Variants in CHKB observed in about 807,000 individuals in gnomAD.
CHKB encodes choline kinase beta.
In CHKB, 45 loss-of-function variants were observed where a neutral mutation model predicts 57.3. That is an observed-to-expected ratio of 0.79 (90% CI 0.62 to 1.01). The LOEUF is 1.01. CHKB is among the 50% of genes least tolerant of loss of function. The pLI is 0.00. For synonymous variants in CHKB, 224 were observed against 201.8 expected, an observed-to-expected ratio of 1.11 and a Z score of -0.93; for missense variants, 517 against 502.8, an observed-to-expected ratio of 1.03 and a Z score of -0.27.
In CHKB at chr22:50,582,764, T is replaced by C. The variant is rs556978738; in HGVS notation, c.18A>G (p.Thr6=). Residue 6 remains threonine, a synonymous_variant, in exon 1 of 11, where the codon ACA becomes ACG. Transcript: ENST00000406938. MAAEA[T]AVAGSGAVGG... Reference sequence around the variant, plus strand: ...CAACAGCCCCGCTTCCGGCCACAGCTGTCGCCTCGGCCGCCATGGCGCGGG... The same window carrying C: ...CAACAGCCCCGCTTCCGGCCACAGCCGTCGCCTCGGCCGCCATGGCGCGGG... The C allele has an allele frequency of 6.3e-7, 1 of 1,582,286 alleles. No individual in the cohort carries two copies.
chr22:50,579,682 CT>C (rs1569052174), intron 9 of CHKB, 44 bp downstream of exon 9: 1 of 1,562,868 alleles, frequency 6.4e-7, no homozygotes, highest in East Asian at 2.2e-5. Flanking sequence ...CCCAATCCCT[CT>C]TTCCTCTGCT....
Position 50,582,840 on chromosome 22 carries a change from G to C in CHKB, c.-59C>G. 7.8e-7 allele frequency: 1 copy of C among 1,289,306 alleles called. No homozygotes were observed. Among genetic ancestry groups the C allele is most frequent in the Non-Finnish European group, 1.0e-6 (1 of 988,258 alleles). 79.9% of individuals were successfully genotyped at this position (1,289,306 alleles called of 1,614,324 possible). A position where few individuals can be genotyped will look rare whatever the true frequency, so the allele number is the denominator to read the frequency against. ...CGCTCCGCTCCCTTCGGACGGGCTC[G>C]GTTCCTTCCGGCCGCGCTCGGCTCC... On this transcript the variant is annotated 5_prime_UTR_variant, in exon 1 of 11. Coordinates refer to ENST00000406938, the MANE Select transcript of CHKB (RefSeq NM_005198.5).
In CHKB at chr22:50,580,602, C is replaced by G. The variant is rs1173369482; in HGVS notation, c.640G>C (p.Glu214Gln). The G allele has an allele frequency of 6.2e-7, 1 of 1,614,010 alleles. No individual in the cohort carries two copies. Among genetic ancestry groups the G allele is most frequent in the Non-Finnish European group, 8.5e-7 (1 of 1,180,036 alleles). The change falls in exon 5 of 11, where the codon GAG (glutamate) becomes CAG (glutamine). Residue 214 changes from glutamate to glutamine, a missense_variant. Coordinates refer to ENST00000406938, the MANE Select transcript of CHKB (RefSeq NM_005198.5). ...ATCTCATCCTTCAGGCTGTACATCT[C>G]CAGCAGGTTCATCTCAGGGAGGCCA... Reference protein sequence around the residue: ...PTGLPEMNLLEMYSLKDEMGN... With the variant: ...PTGLPEMNLLQMYSLKDEMGN...
chr22:50,582,783 G>A lies in CHKB; in HGVS notation c.-2C>T, dbSNP rs769811756. On this transcript the variant is annotated 5_prime_UTR_variant, in exon 1 of 11. Transcript: ENST00000406938. Reference sequence around the variant, plus strand: ...CACAGCTGTCGCCTCGGCCGCCATGGCGCGGGCTCGACCGGGCCCCAGGCC... The same window carrying A: ...CACAGCTGTCGCCTCGGCCGCCATGACGCGGGCTCGACCGGGCCCCAGGCC... 7.0e-6 allele frequency: 11 copies of A among 1,564,040 alleles called. No homozygotes were observed. In the Admixed American group the frequency reaches 2.1e-4, roughly 29 times the overall value.
chr22:50,581,434 A>T lies in CHKB; in HGVS notation c.567T>A (p.Phe189Leu). Residue 189 changes from phenylalanine to leucine, a missense_variant, in exon 4 of 11, where the codon TTT becomes TTA. Coordinates refer to ENST00000406938, the MANE Select transcript of CHKB (RefSeq NM_005198.5). ...MPFTKEPHWL[F>L]GTMERYLKQI... ...TCCTGACTCACCGCTCCATGGTCCC[A>T]AACAGCCAGTGGGGCTCCTTGGTGA... The T allele has an allele frequency of 6.2e-7, 1 of 1,613,518 alleles. No individual in the cohort carries two copies. The highest frequency in any genetic ancestry group is 8.5e-7 in the Non-Finnish European group (1 of 1,179,956).
intron 4 of CHKB, 147 bp from the exon 5 acceptor site, chr22:50,580,807 T>G: frequency 1.3e-6 from 1 of 758,754 alleles, no homozygotes. Flanking sequence ...TGAAATGGAG[T>G]CTTGCTCTGT....
intron 1 of CHKB, 86 bp from the exon 2 acceptor site, chr22:50,582,443 C>A (rs967459033): frequency 1.4e-6 from 2 of 1,463,082 alleles, no homozygotes; most frequent in Non-Finnish European, 1.8e-6. Context: ...CCGGCCCCGC[C>A]CCGCCCCAGG....
rs902093123 is a variant in CHKB, at chr22:50,579,347, C to A, written c.1113+79G>T. On this transcript the variant is annotated intron_variant, in intron 10 of 10. Coordinates refer to ENST00000406938, the MANE Select transcript of CHKB (RefSeq NM_005198.5). ...AGGCTGCCCACAGCCACCCGGGACT[C>A]CCCAGGCCTCCTGGAAGAGTGTGGC... 2.5e-6 allele frequency: 4 copies of A among 1,577,806 alleles called. No homozygotes were observed. In the African/African-American group the frequency reaches 5.4e-5, roughly 21 times the overall value.
intron 3 of CHKB, 64 bp downstream of exon 3, chr22:50,581,685 G>A (rs1603443751): frequency 7.0e-6 from 11 of 1,576,602 alleles, no homozygotes; most frequent in African/African-American, 1.3e-5. Flanking sequence ...CAGACATTGG[G>A]CACTGGGGTA....
chr22:50,582,506 T>A, intron 1 of CHKB, 52 bp downstream of exon 1: 1 of 1,550,902 alleles, frequency 6.4e-7, no homozygotes. Context: ...GCCCCGCGGC[T>A]GACCCCTGAC....
At chr22:50,582,468 G>T (rs767634040) in intron 1 of CHKB, 90 bp downstream of exon 1, 10 of 1,482,090 alleles carry the variant, frequency 6.7e-6, no homozygotes, top group East Asian at 2.8e-5. Flanking sequence ...GGCGCAAGAG[G>T]GGGGCGAAAA....
At position 50,579,213 on chromosome 22, in the gene CHKB, C is replaced by T; in HGVS notation, c.1156G>A (p.Gly386Arg). The change falls in exon 11 of 11, where the codon GGG becomes AGG. Residue 386 changes from glycine to arginine, a missense_variant. By Grantham distance (125) the Gly-to-Arg change is moderately radical (BLOSUM62 -2). Transcript: ENST00000406938. Reference sequence around the variant, plus strand: ...GAGGAGTGGACACTGGTCAGCTGCCCCTTCTGCTGGAAGTAGAACTGGAAC... The same window carrying T: ...GAGGAGTGGACACTGGTCAGCTGCCTCTTCTGCTGGAAGTAGAACTGGAAC... ...SRFQFYFQQKGQLTSVHSSS is the reference protein window; with the variant it reads ...SRFQFYFQQKRQLTSVHSSS 2.5e-6 allele frequency: 4 copies of T among 1,613,904 alleles called. No individual in the cohort carries two copies. Among genetic ancestry groups the T allele is most frequent in the Non-Finnish European group, 3.4e-6 (4 of 1,179,916 alleles).
chr22:50,579,834 C>G lies in CHKB; in HGVS notation c.928-4G>C, dbSNP rs751093137. ...GGTAATGACGAATAAAATGCAACTA[C>G]GATCAATGGCCAAGAGTCAGGAATT... is the stretch of plus-strand genomic sequence containing the variant. On this transcript the variant is annotated splice_region_variant and splice_polypyrimidine_tract_variant and intron_variant, in intron 8 of 10. Coordinates refer to ENST00000406938, the MANE Select transcript of CHKB (RefSeq NM_005198.5). The G allele has an allele frequency of 6.2e-7, 1 of 1,612,572 alleles. No individual in the cohort carries two copies. Among genetic ancestry groups the G allele is most frequent in the Non-Finnish European group, 8.5e-7 (1 of 1,179,040 alleles).
intron 1 of CHKB, 68 bp from the exon 2 acceptor site, chr22:50,582,425 C>A: frequency 6.9e-7 from 1 of 1,454,328 alleles, no homozygotes; most frequent in Non-Finnish European, 9.1e-7. Flanking sequence ...GGCCCCCTCC[C>A]GGCCAGGCCG....
intron 2 of CHKB, 48 bp downstream of exon 2, chr22:50,582,201 C>A: frequency 6.7e-7 from 1 of 1,488,678 alleles, no homozygotes; most frequent in East Asian, 2.4e-5. Flanking sequence ...ATCGCGTAAG[C>A]GACAGGCCCT....
chr22:50,579,529 G>A, intron 9 of CHKB, 22 bp from the exon 10 acceptor site: 2 of 1,612,134 alleles, frequency 1.2e-6, no homozygotes, highest in Middle Eastern at 1.7e-4. Context: ...GCAGGAAAAG[G>A]AGGGGCATTC....
chr22:50,582,211 TA>T, intron 2 of CHKB, 37 bp downstream of exon 2: 1 of 1,529,386 alleles, frequency 6.5e-7, no homozygotes, highest in Non-Finnish European at 8.9e-7. Flanking sequence ...CGACAGGCCC[TA>T]AAGCCACTGG....
chr22:50,581,986 G>C (rs890222695), intron 2 of CHKB, 124 bp from the exon 3 acceptor site: 1 of 900,262 alleles, frequency 1.1e-6, no homozygotes, highest in Non-Finnish European at 1.8e-6. Flanking sequence ...TGGAGCACAG[G>C]CTTTAGCGTT....
Position 50,579,500 on chromosome 22 carries a change from G to C in CHKB, c.1039C>G (p.Leu347Val), listed in dbSNP as rs2070627429. The C allele has an allele frequency of 1.2e-6, 2 of 1,613,284 alleles. No homozygotes were observed. The highest frequency in any genetic ancestry group is 3.3e-5 in the Admixed American group (2 of 59,980). ...DLLVEVSRYA[L>V]ASHFFWGLWS... The stretch of plus-strand genomic sequence containing the variant: ...AGACCCCAGAAGAAATGGGATGCCA[G>C]AGCATACCTGGGGGGAGGGCAGGAA... Residue 347 changes from leucine to valine, a missense_variant, in exon 10 of 11, where the codon CTG becomes GTG. Coordinates refer to ENST00000406938, the MANE Select transcript of CHKB (RefSeq NM_005198.5).
Sources: allele counts gnomAD v4.1 joint callset, GRCh38; gene constraint gnomAD v4.1.1; transcripts MANE v1.5; gene names NCBI Gene and HGNC (gene_info 2026-07-23, HGNC 2026-07-21).